The following PATJ variants were observed in gnomAD, a reference collection of about 807,000 sequenced individuals.
PATJ encodes the protein PATJ crumbs cell polarity complex component.
A neutral mutation model predicts 224.9 loss-of-function variants in PATJ; 190 were observed. The ratio of observed to expected loss-of-function variants is 0.84; its 90% confidence interval spans 0.75 to 0.95. The LOEUF is 0.95. PATJ is among the 40% of genes least tolerant of loss of function. The pLI is 0.00. For missense variants in PATJ, 2,121 were observed against 2,270.3 expected, an observed-to-expected ratio of 0.93 and a Z score of 1.34; for synonymous variants, 769 against 820.3, an observed-to-expected ratio of 0.94 and a Z score of 1.07.
At chr1:62,153,728 G>A (rs1389513993) in intron 43 of PATJ, among the ~76,000 whole-genome samples, 2 of 152,078 alleles carry the variant, frequency 1.3e-5, no homozygotes, top group South Asian at 2.1e-4. Context: ...CAGATTTTTA[G>A]AGTGTCTTCT....
intron 26 of PATJ, among the ~76,000 whole-genome samples, chr1:61,925,674 A>G (rs2149280272): frequency 6.6e-6 from 1 of 152,316 alleles, no homozygotes; most frequent in East Asian, 1.9e-4. Flanking sequence ...TGGGACCTCC[A>G]AAACTGTTCA....
intron 43 of PATJ, among the ~76,000 whole-genome samples, chr1:62,159,544 G>C (rs1669637523): frequency 7.1e-6 from 1 of 140,960 alleles, no homozygotes; most frequent in Non-Finnish European, 1.5e-5. Flanking sequence ...GTATAGACCT[G>C]ATTTCGAATA....
At chr1:61,917,753 T>A (rs1673649671) in intron 26 of PATJ, among the ~76,000 whole-genome samples, 2 of 152,004 alleles carry the variant, frequency 1.3e-5, no homozygotes, top group Admixed American at 1.3e-4. Flanking sequence ...TGAGAGTTTG[T>A]ATAAAAAAAG....
rs528428064 is a variant in PATJ, at chr1:61,771,478, C to T, written c.572C>T (p.Thr191Met). The T allele has an allele frequency of 9.9e-6, 16 of 1,608,324 alleles. No individual in the cohort carries two copies. The Admixed American group carries it at 1.4e-4, about 14-fold the overall frequency. ...ENDQILAINHTPLDQNISHQQ... is the reference protein window; with the variant it reads ...ENDQILAINHMPLDQNISHQQ... ...GATCAAATATTGGCCATTAATCACA[C>T]GCCATTGGATCAGAACATTTCCCAT... Residue 191 changes from threonine (T) to methionine (M), a missense_variant, in exon 6 of 44, where the codon ACG becomes ATG. Thr to Met is a moderately conservative substitution (Grantham distance 81, BLOSUM62 -1). Coordinates refer to ENST00000642238, the MANE Select transcript of PATJ (RefSeq NM_001350145.3).
chr1:61,996,652 GGAA>G (rs909209642), intron 28 of PATJ, among the ~76,000 whole-genome samples: 1 of 151,736 alleles, frequency 6.6e-6, no homozygotes, highest in African/African-American at 2.4e-5. Flanking sequence ...TTGAGGAACA[GGAA>G]GAAGAACAAA....
intron 11 of PATJ, among the ~76,000 whole-genome samples, chr1:61,799,894 CT>C (rs1174461410): frequency 6.6e-6 from 1 of 152,126 alleles, no homozygotes; most frequent in African/African-American, 2.4e-5. Flanking sequence ...TAATTTCATT[CT>C]TTTTATGCCT....
At chr1:61,819,592 A>C (rs1656835533) in intron 14 of PATJ, among the ~76,000 whole-genome samples, 1 of 147,416 alleles carries the variant, frequency 6.8e-6, no homozygotes, top group African/African-American at 2.5e-5. Context: ...AGCTCTCAAA[A>C]GCAGCGTGGG....
rs147362259 is a variant in PATJ, at chr1:61,797,618, T to C, written c.1402+190T>C. ...TCTTTGCTTACTATGTCAGTCAGAATGGTAGGATGTGCACCCGACATGCAC... is the reference window on the plus strand; with the variant it reads ...TCTTTGCTTACTATGTCAGTCAGAACGGTAGGATGTGCACCCGACATGCAC... On this transcript the variant is annotated intron_variant, in intron 11 of 43. Coordinates refer to ENST00000642238, the MANE Select transcript of PATJ (RefSeq NM_001350145.3). Among the ~76,000 whole-genome samples the C allele has an allele frequency of 9.6e-4, 146 of 152,330 alleles. 8 individuals carry two copies. In the East Asian group the frequency reaches 0.021, roughly 22 times the overall value.
chr1:61,742,790 G>C (rs1185329011), intron 1 of PATJ, among the ~76,000 whole-genome samples: 1 of 150,306 alleles, frequency 6.7e-6, no homozygotes, highest in Non-Finnish European at 1.5e-5. Context: ...CGCTGACCCG[G>C]GAGGCGGGGC....
chr1:61,769,403 C>CCTTCCTTCACGAGTGTAG lies in PATJ; in HGVS notation c.506_507insTTCCTTCACGAGTGTAGC (p.Pro169_Gly170insSerPheThrSerValAla). On this transcript the variant is annotated inframe_insertion, in exon 5 of 44. Coordinates refer to ENST00000642238, the MANE Select transcript of PATJ (RefSeq NM_001350145.3). Reference sequence around the variant, plus strand: ...TGATATCTTCGTGAAGGATGTCCAGCCAGGGAGTGTAGCAGACAGGTGAGG... The same window carrying CCTTCCTTCACGAGTGTAG: ...TGATATCTTCGTGAAGGATGTCCAGCCTTCCTTCACGAGTGTAGCAGGGAGTGTAGCAGACAGGTGAGG... The CCTTCCTTCACGAGTGTAG allele has an allele frequency of 6.2e-7, 1 of 1,613,804 alleles. No homozygotes were observed. Among genetic ancestry groups the CCTTCCTTCACGAGTGTAG allele is most frequent in the Non-Finnish European group, 8.5e-7 (1 of 1,179,882 alleles).
intron 22 of PATJ, among the ~76,000 whole-genome samples, chr1:61,898,469 C>T (rs1670676601): frequency 6.6e-6 from 1 of 151,652 alleles, no homozygotes; most frequent in African/African-American, 2.4e-5. Context: ...ACCTCTTGGG[C>T]TCAAGTGATC....
At position 62,148,089 on chromosome 1, in the gene PATJ, C is replaced by A. The variant is rs1668236355; in HGVS notation, c.5272-195C>A. ...AGAGCCAAAATCATGTCACTGCACT[C>A]CAACCTGAGCAACAGAGTGAGACAC... On this transcript the variant is annotated intron_variant, in intron 41 of 43. Transcript: ENST00000642238. Among the ~76,000 whole-genome samples, 3 of 131,188 alleles carry A rather than the reference C, an allele frequency of 2.3e-5. No homozygotes were observed. In the South Asian group the frequency reaches 7.6e-4, roughly 33 times the overall value. 86.1% of individuals were successfully genotyped at this position (131,188 alleles called of 152,430 possible).
intron 4 of PATJ, among the ~76,000 whole-genome samples, chr1:61,767,678 C>CTTTTTTTTTTTT (rs1163770714): frequency 7.4e-6 from 1 of 134,974 alleles, no homozygotes; most frequent in Non-Finnish European, 1.6e-5. Context: ...CTTTTCTTTT[C>CTTTTTTTTTTTT]TTTTTTTTTT....
chr1:61,846,721 C>A (rs1027449567), intron 17 of PATJ, among the ~76,000 whole-genome samples: 1 of 152,124 alleles, frequency 6.6e-6, no homozygotes, highest in Non-Finnish European at 1.5e-5. Flanking sequence ...CTCAGCCTCG[C>A]GAGTAGCTGG....
intron 14 of PATJ, chr1:61,816,358 A>G (rs1215509116): frequency 1.3e-5 from 2 of 152,146 alleles, no homozygotes; most frequent in African/African-American, 2.4e-5. Context: ...TCAGGCAGTA[A>G]AAGTAAATTG....
chr1:62,039,045 T>A, intron 30 of PATJ: 1 of 962,150 alleles, frequency 1.0e-6, no homozygotes, highest in East Asian at 2.4e-5. Context: ...CAGCATCAGA[T>A]AATGGGAACA....
chr1:61,926,694 G>C (rs1416900925), intron 26 of PATJ, among the ~76,000 whole-genome samples: 1 of 152,082 alleles, frequency 6.6e-6, no homozygotes, highest in East Asian at 1.9e-4. Context: ...TTCTACAAGT[G>C]TATATAGTTT....
rs2482867 is a variant in PATJ at position 61,941,258 on chromosome 1, A to G, written c.3670+13429A>G. On this transcript the variant is annotated intron_variant, in intron 27 of 43. Transcript: ENST00000642238. Reference sequence around the variant, plus strand: ...TAATGTGAGTGCTAGTTTGCCAAACATTCCCAACAAACTTATGGCATAACT... The same window carrying G: ...TAATGTGAGTGCTAGTTTGCCAAACGTTCCCAACAAACTTATGGCATAACT... Among the ~76,000 whole-genome samples the G allele has an allele frequency of 3.6e-3, 547 of 152,370 alleles. 3 individuals are homozygous for G. Among genetic ancestry groups the G allele is most frequent in the African/African-American group, 0.012 (516 of 41,596 alleles).
chr1:61,776,885 C>A (rs1164689948), intron 7 of PATJ, among the ~76,000 whole-genome samples: 1 of 152,020 alleles, frequency 6.6e-6, no homozygotes, highest in Non-Finnish European at 1.5e-5. Context: ...GCCACAATGC[C>A]CAGCTAATTT....
Sources: gnomAD v4.1 joint callset for allele counts (sites outside exome capture counted in the v4.1 genomes callset) on GRCh38, gnomAD v4.1.1 for gene constraint, MANE v1.5 for transcripts, NCBI Gene and HGNC (gene_info 2026-07-23, HGNC 2026-07-21) for gene names.